Variants in ARL15 observed in about 807,000 individuals in gnomAD.
The protein encoded by ARL15 is ADP-ribosylation factor-like protein 15.
Under a neutral mutation model 25.2 loss-of-function variants are expected in ARL15, and 19 were observed. The ratio of observed to expected loss-of-function variants is 0.75; its 90% CI spans 0.53 to 1.10. The LOEUF (loss-of-function observed/expected upper bound fraction) is 1.10, where lower values mean the gene tolerates loss of function less well. Among genes scored for constraint, ARL15 ranks in the 50% least tolerant of loss-of-function variants. The pLI, the probability that ARL15 is intolerant of heterozygous loss-of-function variation, is 0.00. For missense variants in ARL15, 220 were observed against 246.0 expected, an observed-to-expected ratio of 0.89 and a Z score of 0.71; for synonymous variants, 94 against 86.8, an observed-to-expected ratio of 1.08 and a Z score of -0.46.
rs533037684 is a variant in ARL15, at chr5:54,164,820, CCT to C, written c.193+6962_193+6963del. Among the ~76,000 whole-genome samples, 44 of 151,910 alleles carry C rather than the reference CCT, an allele frequency of 2.9e-4. No homozygotes were observed. In the South Asian group the frequency reaches 7.5e-3, roughly 26 times the overall value. ...TTTTTAAAAAAATCTATTATATCAA[CCT>C]CTGTCTCTTAATTAAGGAGTCTAGA... On this transcript the variant is annotated intron_variant, in intron 2 of 4. Coordinates refer to ENST00000504924, the MANE Select transcript of ARL15 (RefSeq NM_019087.3).
chr5:53,957,355 T>C (rs766752072), intron 4 of ARL15, among the ~76,000 whole-genome samples: 19 of 152,016 alleles, frequency 1.2e-4, no homozygotes, highest in Non-Finnish European at 2.6e-4. Flanking sequence ...GAATTTCATA[T>C]ATGACCAAGA....
rs559565668 is a variant in ARL15 at position 53,898,069 on chromosome 5, T to A, written c.463-11356A>T. On this transcript the variant is annotated intron_variant, in intron 4 of 4. Coordinates refer to ENST00000504924, the MANE Select transcript of ARL15 (RefSeq NM_019087.3). ...TTACTATTTATTAAGTGTAAGGGGA[T>A]CATTATAAACTTCTTCACTGTCTTC... 3.9e-5 allele frequency among the ~76,000 whole-genome samples: 6 copies of A among 152,246 alleles called. No homozygotes were observed. In the South Asian group the frequency reaches 1.2e-3, roughly 32 times the overall value.
rs186310800 is a variant in ARL15 at position 54,132,441 on chromosome 5, G to C, written c.254-19031C>G. ...AAATCATTAACCCAAAATCTTTCAT[G>C]CAAAATTTCACTAAAAACAGTCATA... On this transcript the variant is annotated intron_variant, in intron 3 of 4. Coordinates refer to ENST00000504924, the MANE Select transcript of ARL15 (RefSeq NM_019087.3). 1.6e-3 allele frequency among the ~76,000 whole-genome samples: 249 copies of C among 151,988 alleles called. 2 individuals carry two copies. Among genetic ancestry groups the C allele is most frequent in the Admixed American group, 8.1e-3 (124 of 15,264 alleles).
intron 1 of ARL15, among the ~76,000 whole-genome samples, chr5:54,288,635 G>C (rs1252775429): frequency 2.0e-5 from 3 of 152,126 alleles, no homozygotes; most frequent in Non-Finnish European, 2.9e-5. Context: ...CAAACAAACT[G>C]AGTAAAGCAG....
At chr5:54,127,100 T>C (rs1389069647) in intron 3 of ARL15, among the ~76,000 whole-genome samples, 1 of 152,032 alleles carries the variant, frequency 6.6e-6, no homozygotes, top group Non-Finnish European at 1.5e-5. Context: ...AATATGCGGG[T>C]TTTTGTTCTT....
chr5:54,172,033 A>G, intron 1 of ARL15, 105 bp from the exon 2 acceptor site: 1 of 1,328,576 alleles, frequency 7.5e-7, no homozygotes, highest in Non-Finnish European at 1.0e-6. Flanking sequence ...AATTGAATAA[A>G]GTATTACCTA....
At chr5:54,084,424 C>CAAAAAAAAAA (rs10676630) in intron 4 of ARL15, among the ~76,000 whole-genome samples, 1 of 129,930 alleles carries the variant, frequency 7.7e-6, no homozygotes. Context: ...ACTGACTCTT[C>CAAAAAAAAAA]AAAAAAAAAA....
intron 1 of ARL15, among the ~76,000 whole-genome samples, chr5:54,216,634 TACAC>T (rs373445503): frequency 1.3e-5 from 2 of 150,448 alleles, no homozygotes; most frequent in African/African-American, 2.4e-5. Context: ...TATGTATGTG[TACAC>T]ACACACACAC....
intron 1 of ARL15, among the ~76,000 whole-genome samples, chr5:54,173,367 A>G (rs1333110578): frequency 1.3e-5 from 2 of 151,978 alleles, no homozygotes; most frequent in Non-Finnish European, 2.9e-5. Context: ...AGAAAGAGGG[A>G]AAGGGGGAGA....
chr5:54,269,252 G>T (rs571623294), intron 1 of ARL15, among the ~76,000 whole-genome samples: 39 of 151,656 alleles, frequency 2.6e-4, no homozygotes, highest in Admixed American at 2.0e-3. Context: ...TAAAATAAAA[G>T]AACAAGCTCC....
chr5:54,152,549 A>T (rs570056941), intron 3 of ARL15, among the ~76,000 whole-genome samples: 1 of 152,328 alleles, frequency 6.6e-6, no homozygotes, highest in South Asian at 2.1e-4. Flanking sequence ...TGTCAACTGG[A>T]AACAGAGCTA....
chr5:54,182,397 A>G (rs1755086341), intron 1 of ARL15, among the ~76,000 whole-genome samples: 1 of 146,328 alleles, frequency 6.8e-6, no homozygotes, highest in African/African-American at 2.5e-5. Flanking sequence ...ACCATTTATT[A>G]AATAGGGAAT....
intron 4 of ARL15, among the ~76,000 whole-genome samples, chr5:54,084,885 C>A (rs112970381): frequency 8.5e-5 from 13 of 152,200 alleles, no homozygotes; most frequent in Admixed American, 5.2e-4. Context: ...ACTAAAGGGA[C>A]AAACATGATA....
chr5:53,905,145 T>A (rs1033881642), intron 4 of ARL15, among the ~76,000 whole-genome samples: 1 of 152,148 alleles, frequency 6.6e-6, no homozygotes, highest in Non-Finnish European at 1.5e-5. Flanking sequence ...CATGTCTGAA[T>A]CAAAAGCATT....
At chr5:54,041,857 T>C (rs755398900) in intron 4 of ARL15, among the ~76,000 whole-genome samples, 5 of 152,204 alleles carry the variant, frequency 3.3e-5, no homozygotes, top group Admixed American at 2.6e-4. Flanking sequence ...ATTTGAGGGC[T>C]ATGTAGCTAT....
chr5:54,176,873 C>A (rs935313396), intron 1 of ARL15, among the ~76,000 whole-genome samples: 2 of 152,192 alleles, frequency 1.3e-5, no homozygotes, highest in African/African-American at 4.8e-5. Flanking sequence ...TGACAGTTAG[C>A]TTCCTTAGAC....
intron 4 of ARL15, among the ~76,000 whole-genome samples, chr5:54,088,695 A>AT (rs149724541): frequency 0.069 from 10,446 of 152,224 alleles, 444 homozygotes; most frequent in Middle Eastern, 0.1. Flanking sequence ...GGCAGCTATA[A>AT]TTTGTTGTTT....
At position 54,145,768 on chromosome 5, in the gene ARL15, G is replaced by A. The variant is rs537064723; in HGVS notation, c.253+8812C>T. Among the ~76,000 whole-genome samples the A allele has an allele frequency of 1.6e-4, 25 of 152,232 alleles. No individual in the cohort carries two copies. The South Asian group carries it at 5.0e-3, about 30-fold the overall frequency. ...CAAAACAACCTTTTGCTTGTGAAGT[G>A]TCTAGCATTACTCTTGCATCTTGGG... On this transcript the variant is annotated intron_variant, in intron 3 of 4. Transcript: ENST00000504924.
intron 2 of ARL15, among the ~76,000 whole-genome samples, chr5:54,158,417 C>T (rs957193755): frequency 6.6e-6 from 1 of 152,158 alleles, no homozygotes; most frequent in South Asian, 2.1e-4. Flanking sequence ...TATTTGTTCT[C>T]TGGCTAGACT....
Sources: gnomAD v4.1 joint callset for allele counts (sites outside exome capture counted in the v4.1 genomes callset) on GRCh38, gnomAD v4.1.1 for gene constraint, MANE v1.5 for transcripts, NCBI Gene and HGNC (gene_info 2026-07-23, HGNC 2026-07-21) for gene names.